ALG12: variants seen among roughly 807,000 people sequenced by gnomAD.
The protein encoded by ALG12 is ALG12 alpha-1,6-mannosyltransferase.
Under a neutral mutation model 46.0 loss-of-function variants are expected in ALG12, and 36 were observed. The observed-to-expected ratio is 0.78, with a 90% CI of 0.60 to 1.03. The LOEUF is 1.03. Among genes scored for constraint, ALG12 ranks in the 50% least tolerant of loss-of-function variants. ALG12 has a pLI of 0.00. For synonymous variants in ALG12, 326 were observed against 291.6 expected (o/e 1.12, Z -1.20); for missense variants, 599 against 633.5 (o/e 0.95, Z 0.58).
chr22:49,860,309 C>G, the ALG12 span, among the ~76,000 whole-genome samples: 1 of 152,112 alleles, frequency 6.6e-6, no homozygotes, highest in Non-Finnish European at 1.5e-5. Flanking sequence ...AAAAACAAAA[C>G]AAAACAAAAC....
chr22:49,909,909 C>G lies in ALG12; in HGVS notation c.649G>C (p.Gly217Arg). 1 of 1,614,140 alleles carries G rather than the reference C, an allele frequency of 6.2e-7. No individual in the cohort carries two copies. The part of the protein sequence containing the change: ...VRALRHAVPA[G>R]ILCLGLTVAV... The stretch of plus-strand genomic sequence containing the variant: ...ACTGACTTACCTAAACAGAGGATCC[C>G]TGCCGGGACGGCGTGGCGAAGGGCT... Residue 217 changes from glycine (G) to arginine (R), a missense_variant, in exon 5 of 10, where the codon GGG becomes CGG. Gly to Arg is a moderately radical substitution (Grantham distance 125). Coordinates refer to ENST00000330817, the MANE Select transcript of ALG12 (RefSeq NM_024105.4).
At chr22:49,879,153 A>C in the ALG12 span, among the ~76,000 whole-genome samples, 1 of 147,956 alleles carries the variant, frequency 6.8e-6, no homozygotes, top group African/African-American at 2.5e-5. Flanking sequence ...CAAAAAAAAA[A>C]CAAAAAACAA....
In ALG12 at chr22:49,906,055, T is replaced by A. The variant is rs2060540349; in HGVS notation, c.993-1549A>T. Among the ~76,000 whole-genome samples, 1 of 152,110 alleles carries A rather than the reference T, an allele frequency of 6.6e-6. No individual in the cohort carries two copies. The highest frequency in any genetic ancestry group is 1.5e-5 in the Non-Finnish European group (1 of 67,998). ...AGGGTGGCCGGGCTGAGGACCTGACTTCGGAGGGGGCCTTGCTCTACCCTG... is the reference window on the plus strand; with the variant it reads ...AGGGTGGCCGGGCTGAGGACCTGACATCGGAGGGGGCCTTGCTCTACCCTG... On this transcript the variant is annotated intron_variant, in intron 7 of 9. Transcript: ENST00000330817. This position sits in a 1 kb window ranked among gnomAD's most constrained non-coding sequence, Gnocchi z 4.4.
In ALG12 at chr22:49,902,605, T is replaced by C. The variant is rs2147576990; in HGVS notation, c.*1233A>G. 6.9e-6 allele frequency: 1 copy of C among 145,100 alleles called. No homozygotes were observed. The allele number at this position is 145,100 out of a possible 1,614,324, so 9.0% of individuals were successfully genotyped here. The stretch of plus-strand genomic sequence containing the variant: ...GTGTGTGGTGTGTATGCATGGTGTG[T>C]GCACGTGTGCACTGTGTATGCATGG... On this transcript the variant is annotated 3_prime_UTR_variant, in exon 10 of 10. Transcript: ENST00000330817.
the ALG12 span, among the ~76,000 whole-genome samples, chr22:49,859,480 C>T: frequency 6.6e-6 from 1 of 152,128 alleles, no homozygotes; most frequent in African/African-American, 2.4e-5. Flanking sequence ...TGCATCCTTT[C>T]TGGCCCAGTG....
At chr22:49,914,364 C>G (rs190836517) in intron 1 of ALG12, among the ~76,000 whole-genome samples, 1 of 152,372 alleles carries the variant, frequency 6.6e-6, no homozygotes, top group Non-Finnish European at 1.5e-5. Context: ...AGCAAAGCCC[C>G]CGCTCCCAGG....
chr22:49,898,388 G>T (rs1387189301), downstream of ALG12, among the ~76,000 whole-genome samples: 1 of 150,752 alleles, frequency 6.6e-6, no homozygotes, highest in African/African-American at 2.5e-5. Flanking sequence ...TCTCTTGAGT[G>T]ATTTTTTTCT....
rs907974454 is a variant in ALG12, at chr22:49,918,408, C to G, written c.-224G>C. 5.7e-6 allele frequency: 1 copy of G among 176,986 alleles called. No homozygotes were observed. The highest frequency in any genetic ancestry group is 1.2e-5 in the Non-Finnish European group (1 of 84,528). The allele number at this position is 176,986 out of a possible 1,614,324, so 11.0% of individuals were successfully genotyped here. A position where few individuals can be genotyped will look rare whatever the true frequency, so the allele number is the denominator to read the frequency against. ...CTACCGCAGCCCCGGCCGCTACGGC[C>G]GCAGAGACCCTCTGTGCCCTGAGTA... On this transcript the variant is annotated 5_prime_UTR_variant, in exon 1 of 10. Transcript: ENST00000330817.
intron 4 of ALG12, 71 bp from the exon 5 acceptor site, chr22:49,910,159 T>G: frequency 6.8e-7 from 1 of 1,475,148 alleles, no homozygotes; most frequent in South Asian, 1.2e-5. Flanking sequence ...CCCGGGGAAG[T>G]GAAGGGTGAT....
At chr22:49,909,415 G>A in intron 5 of ALG12, 68 bp from the exon 6 acceptor site, 1 of 1,462,120 alleles carries the variant, frequency 6.8e-7, no homozygotes. Context: ...CCACAATGCA[G>A]CCCCCATCAC....
chr22:49,893,085 T>A, the ALG12 span, among the ~76,000 whole-genome samples: 2 of 152,218 alleles, frequency 1.3e-5, no homozygotes, highest in Non-Finnish European at 2.9e-5. Flanking sequence ...CAAATTAGGC[T>A]TATAGATGAA....
chr22:49,914,957 G>A (rs983282448), intron 1 of ALG12, among the ~76,000 whole-genome samples: 1 of 152,234 alleles, frequency 6.6e-6, no homozygotes, highest in African/African-American at 2.4e-5. Flanking sequence ...TGGAATTCCT[G>A]GCTTCAAGCC....
the ALG12 span, chr22:49,886,806 G>A: frequency 7.4e-6 from 12 of 1,613,384 alleles, no homozygotes; most frequent in South Asian, 1.1e-5. This position sits in a 1 kb window ranked among gnomAD's most constrained non-coding sequence, Gnocchi z 7.7. Flanking sequence ...CCTCCCACAG[G>A]TGTGATGCTG....
chr22:49,874,018 C>T, the ALG12 span, among the ~76,000 whole-genome samples: 17 of 152,256 alleles, frequency 1.1e-4, no homozygotes, highest in African/African-American at 4.1e-4. Context: ...TGTGACCTCT[C>T]TGAACTCTCT....
At position 49,909,202 on chromosome 22, in the gene ALG12, A is replaced by G. The variant is rs4075331; in HGVS notation, c.768+42T>C. 0.24 allele frequency: 383,800 copies of G among 1,586,880 alleles called. 59,250 individuals are homozygous for G. Among genetic ancestry groups the G allele is most frequent in the African/African-American group, 0.74 (55,128 of 74,502 alleles). ...ATGGAGGCCCAGGAGATGTGGCTGC[A>G]GGTCCCACCCATCGCCCTCCTGCAC... is the stretch of plus-strand genomic sequence containing the variant. On this transcript the variant is annotated intron_variant, in intron 6 of 9. Coordinates refer to ENST00000330817, the MANE Select transcript of ALG12 (RefSeq NM_024105.4).
At chr22:49,870,114 A>T in the ALG12 span, among the ~76,000 whole-genome samples, 1 of 152,188 alleles carries the variant, frequency 6.6e-6, no homozygotes, top group Non-Finnish European at 1.5e-5. Context: ...ACTTAGGATG[A>T]TGGTCTCCAG....
downstream of ALG12, among the ~76,000 whole-genome samples, chr22:49,896,948 A>AT (rs2147567791): frequency 6.6e-6 from 1 of 151,936 alleles, no homozygotes; most frequent in East Asian, 1.9e-4. Context: ...GCCCACTTTT[A>AT]AAGTGAAGCA....
chr22:49,907,255 C>T (rs1450156072), intron 7 of ALG12, among the ~76,000 whole-genome samples: 4 of 152,206 alleles, frequency 2.6e-5, no homozygotes, highest in African/African-American at 4.8e-5. Context: ...TGCCCTCTGC[C>T]GCTGCTACCT....
the ALG12 span, chr22:49,885,041 A>C: frequency 1.2e-6 from 2 of 1,612,264 alleles, no homozygotes; most frequent in Non-Finnish European, 1.7e-6. Context: ...CTGAAGTCGG[A>C]GGTCTGGCAT....
Sources: gnomAD v4.1 joint callset for allele counts (sites outside exome capture counted in the v4.1 genomes callset) on GRCh38, gnomAD v4.1.1 for gene constraint, Gnocchi (gnomAD v3.1) non-coding constraint, MANE v1.5 for transcripts, NCBI Gene and HGNC (gene_info 2026-07-23, HGNC 2026-07-21) for gene names.